The following ABCB11 variants were observed in gnomAD, a reference collection of about 807,000 sequenced individuals.
ABCB11 encodes bile salt export pump.
A neutral mutation model predicts 148.0 loss-of-function variants in ABCB11; 95 were observed. That is an observed-to-expected ratio of 0.64 (90% confidence interval 0.54 to 0.76). ABCB11 has a LOEUF of 0.76. Among genes scored for constraint, ABCB11 ranks in the 30% least tolerant of loss-of-function variants. The probability of loss-of-function intolerance (pLI) is 0.00; values close to 1 mark genes in which losing one functional copy is unlikely to be tolerated. For missense variants in ABCB11, 1,523 were observed against 1,617.8 expected, an observed-to-expected ratio of 0.94 and a Z score of 1.01; for synonymous variants, 591 against 555.4, an observed-to-expected ratio of 1.06 and a Z score of -0.90.
chr2:168,974,743 C>T (rs1182422251), intron 12 of ABCB11, among the ~76,000 whole-genome samples: 1 of 151,710 alleles, frequency 6.6e-6, no homozygotes, highest in African/African-American at 2.4e-5. Context: ...TGGCAAAAAC[C>T]TCAATTACTC....
chr2:168,999,855 G>A (rs1694819764), intron 5 of ABCB11, among the ~76,000 whole-genome samples: 1 of 152,082 alleles, frequency 6.6e-6, no homozygotes, highest in Non-Finnish European at 1.5e-5. Context: ...TAGAAATGCT[G>A]AGTCATATGG....
At chr2:169,029,447 A>T (rs1219185447) in intron 1 of ABCB11, among the ~76,000 whole-genome samples, 1 of 152,098 alleles carries the variant, frequency 6.6e-6, no homozygotes, top group Admixed American at 6.5e-5. Context: ...GAAAGGCATT[A>T]TTTTCCAGAT....
chr2:168,923,889 G>T, intron 27 of ABCB11, 67 bp from the exon 28 acceptor site: 3 of 1,490,588 alleles, frequency 2.0e-6, no homozygotes, highest in Non-Finnish European at 2.8e-6. Flanking sequence ...CATCATGAGA[G>T]TTCAGTTAAC....
chr2:168,929,276 A>G (rs1559177924), intron 25 of ABCB11, among the ~76,000 whole-genome samples: 1 of 152,198 alleles, frequency 6.6e-6, no homozygotes, highest in Non-Finnish European at 1.5e-5. Context: ...CCAAGGAAAT[A>G]TCACAGGGAA....
intron 3 of ABCB11, among the ~76,000 whole-genome samples, chr2:169,014,840 A>G (rs993520467): frequency 1.3e-5 from 2 of 152,106 alleles, no homozygotes; most frequent in Non-Finnish European, 2.9e-5. Flanking sequence ...TATTTCCTTA[A>G]TATTTCCCAT....
At position 169,018,065 on chromosome 2, in the gene ABCB11, C is replaced by T. The variant is rs377170187; in HGVS notation, c.61G>A (p.Glu21Lys). The T allele has an allele frequency of 6.1e-5, 98 of 1,613,308 alleles. No individual in the cohort carries two copies. In the Admixed American group the frequency reaches 1.3e-3, roughly 21 times the overall value. ...AGCCACTCACATGATTTATCTGACTCAAAACCATCATTCTCCTCTCCAAAT... is the reference window on the plus strand; with the variant it reads ...AGCCACTCACATGATTTATCTGACTTAAAACCATCATTCTCCTCTCCAAAT... Reference protein sequence around the residue: ...KKFGEENDGFESDKSYNNDKK... With the variant: ...KKFGEENDGFKSDKSYNNDKK... Residue 21 changes from glutamate to lysine, a missense_variant, in exon 2 of 28, where the codon GAG becomes AAG. Transcript: ENST00000650372.
intron 2 of ABCB11, among the ~76,000 whole-genome samples, chr2:169,017,051 G>A (rs917843569): frequency 4.7e-5 from 7 of 150,102 alleles, no homozygotes; most frequent in Non-Finnish European, 1.0e-4. Context: ...GTCCAGGAGT[G>A]CTGCTACCTT....
Position 168,969,561 on chromosome 2 carries a change from T to C in ABCB11, c.1810-10A>G, listed in dbSNP as rs748056497. 9.3e-6 allele frequency: 15 copies of C among 1,609,960 alleles called. No homozygotes were observed. Among genetic ancestry groups the C allele is most frequent in the Non-Finnish European group, 1.2e-5 (14 of 1,177,372 alleles). On this transcript the variant is annotated splice_polypyrimidine_tract_variant and intron_variant, in intron 15 of 27. Transcript: ENST00000650372. Reference sequence around the variant, plus strand: ...TGTGCCCATGCTGAATCTGTAAGAATGTACAGTGCACCATTAAACAAAACT... The same window carrying C: ...TGTGCCCATGCTGAATCTGTAAGAACGTACAGTGCACCATTAAACAAAACT...
chr2:169,004,262 T>C (rs1012263040), intron 5 of ABCB11, among the ~76,000 whole-genome samples: 6 of 152,230 alleles, frequency 3.9e-5, no homozygotes, highest in Non-Finnish European at 8.8e-5. Context: ...CCTTCAGATA[T>C]ATTTTCCAAA....
intron 25 of ABCB11, among the ~76,000 whole-genome samples, chr2:168,929,787 T>C (rs528560526): frequency 2.0e-5 from 3 of 152,134 alleles, no homozygotes; most frequent in Non-Finnish European, 2.9e-5. Flanking sequence ...GCCTAAAAAA[T>C]GATATAACTA....
At chr2:168,988,928 T>C (rs1412505743) in intron 9 of ABCB11, among the ~76,000 whole-genome samples, 1 of 152,186 alleles carries the variant, frequency 6.6e-6, no homozygotes, top group Non-Finnish European at 1.5e-5. Context: ...TATTTGTATG[T>C]TTTCTTCTGA....
At chr2:168,978,658 A>AT (rs35154196) in intron 11 of ABCB11, among the ~76,000 whole-genome samples, 6,874 of 149,030 alleles carry the variant, frequency 0.046, 171 homozygotes, top group East Asian at 0.051. Flanking sequence ...AGCTCAGGGC[A>AT]TTTTTTTTTT....
In ABCB11 at chr2:168,930,779, G is replaced by A. The variant is rs1691534640; in HGVS notation, c.3297C>T (p.Leu1099=). Residue 1099 remains leucine (L), a synonymous_variant, in exon 25 of 28, where the codon CTC becomes CTT. Coordinates refer to ENST00000650372, the MANE Select transcript of ABCB11 (RefSeq NM_003742.4). Reference sequence around the variant, plus strand: ...TCTGCCCTGGACTAATCGACACTGAGAGACCATTCAGAACTTGCGAGTCAG... The same window carrying A: ...TCTGCCCTGGACTAATCGACACTGAAAGACCATTCAGAACTTGCGAGTCAG... ...SRPDSQVLNG[L]SVSISPGQTL... 1 of 1,613,754 alleles carries A rather than the reference G, an allele frequency of 6.2e-7. No homozygotes were observed. The highest frequency in any genetic ancestry group is 8.5e-7 in the Non-Finnish European group (1 of 1,179,778).
chr2:169,012,035 A>C (rs2106044622), intron 5 of ABCB11, among the ~76,000 whole-genome samples: 1 of 152,292 alleles, frequency 6.6e-6, no homozygotes, highest in African/African-American at 2.4e-5. Context: ...ATGTTTAAAA[A>C]AATTTTGGTT....
chr2:168,975,295 TTTTATATTTAAATATTTATAGA>T (rs1693789531), intron 12 of ABCB11, among the ~76,000 whole-genome samples: 2 of 61,084 alleles, frequency 3.3e-5, no homozygotes, highest in African/African-American at 1.5e-4. Flanking sequence ...ATTTAAATAT[TTTTATATTTAAATATTTATAGA>T]TAAATATATA....
chr2:168,923,757 C>T lies in ABCB11; in HGVS notation c.3831G>A (p.Leu1277=). The T allele has an allele frequency of 1.2e-6, 2 of 1,613,896 alleles. No homozygotes were observed. The highest frequency in any genetic ancestry group is 1.1e-5 in the South Asian group (1 of 91,066). The part of the protein sequence containing the change: ...GRTCIVIAHR[L]STIQNADIIA... ...TGATATCCGCGTTCTGGATGGTGGA[C>T]AAGCGATGGGCAATGACAATGCAGG... Residue 1277 remains leucine, a synonymous_variant, in exon 28 of 28, where the codon TTG becomes TTA. Coordinates refer to ENST00000650372, the MANE Select transcript of ABCB11 (RefSeq NM_003742.4).
intron 5 of ABCB11, among the ~76,000 whole-genome samples, chr2:169,002,022 G>A (rs544087254): frequency 6.6e-6 from 1 of 152,226 alleles, no homozygotes; most frequent in Admixed American, 6.5e-5. Flanking sequence ...GTCTACAGGA[G>A]ACACACTTTA....
intron 8 of ABCB11, 62 bp downstream of exon 8, chr2:168,993,649 A>AT (rs1694616054): frequency 6.7e-7 from 1 of 1,495,764 alleles, no homozygotes; most frequent in Non-Finnish European, 9.1e-7. Context: ...CAAGCTTCAC[A>AT]TTTTTGGCTG....
Position 168,935,419 on chromosome 2 carries a change from T to C in ABCB11, c.2821A>G (p.Asn941Asp). The C allele has an allele frequency of 6.2e-7, 1 of 1,609,988 alleles. No homozygotes were observed. Among genetic ancestry groups the C allele is most frequent in the Non-Finnish European group, 8.5e-7 (1 of 1,177,280 alleles). ...GTGCGGATGTTACTGAGGGCTTCATTTGTAATCTGAAGATTGAAAAAGAGT... is the reference window on the plus strand; with the variant it reads ...GTGCGGATGTTACTGAGGGCTTCATCTGTAATCTGAAGATTGAAAAAGAGT... ...QALEMVGQITNEALSNIRTVA... is the reference protein window; with the variant it reads ...QALEMVGQITDEALSNIRTVA... The change falls in exon 23 of 28, where the codon AAT becomes GAT. Residue 941 changes from asparagine to aspartate, a missense_variant. Transcript: ENST00000650372.
Sources: allele counts gnomAD v4.1 joint callset (sites outside exome capture counted in the v4.1 genomes callset), GRCh38; gene constraint gnomAD v4.1.1; transcripts MANE v1.5; gene names NCBI Gene and HGNC (gene_info 2026-07-23, HGNC 2026-07-21).